PRKAA1: variants seen among roughly 807,000 people sequenced by gnomAD.
PRKAA1 encodes 5'-AMP-activated protein kinase catalytic subunit alpha-1.
In PRKAA1, 23 loss-of-function variants were observed where a neutral mutation model predicts 56.9. The observed-to-expected ratio is 0.40, with a 90% CI of 0.29 to 0.57. The LOEUF (loss-of-function observed/expected upper bound fraction) is 0.57, where lower values mean the gene tolerates loss of function less well. Among genes scored for constraint, PRKAA1 ranks in the 20% least tolerant of loss-of-function variants. The pLI, the probability that PRKAA1 is intolerant of heterozygous loss-of-function variation, is 0.39. For missense variants in PRKAA1, 413 were observed against 679.7 expected (o/e 0.61, Z 4.36); for synonymous variants, 226 against 227.0 (o/e 1.00, Z 0.04).
chr5:40,775,062 G>T, intron 3 of PRKAA1: 2 of 972,562 alleles, frequency 2.1e-6, no homozygotes, highest in South Asian at 1.5e-5. Context: ...ATTTTGTAAC[G>T]ATTAATTACA....
At chr5:40,770,034 T>A (rs546320930) in intron 4 of PRKAA1, among the ~76,000 whole-genome samples, 34 of 151,068 alleles carry the variant, frequency 2.3e-4, no homozygotes, top group African/African-American at 6.3e-4. Flanking sequence ...ATTACTATTT[T>A]AAAAAAAAAC....
chr5:40,779,372 A>G (rs1314307932), intron 1 of PRKAA1, among the ~76,000 whole-genome samples: 1 of 152,192 alleles, frequency 6.6e-6, no homozygotes, highest in African/African-American at 2.4e-5. Flanking sequence ...AAAGTTCTCT[A>G]AAAGACACTT....
intron 5 of PRKAA1, chr5:40,768,570 T>C (rs2047947620): frequency 4.9e-6 from 5 of 1,015,920 alleles, no homozygotes; most frequent in Non-Finnish European, 5.9e-6. Flanking sequence ...TAAAATTAGG[T>C]ACTCCTGCCT....
chr5:40,765,181 T>C lies in PRKAA1; in HGVS notation c.879A>G (p.Ser293=), dbSNP rs1204767356. The stretch of plus-strand genomic sequence containing the variant: ...CATCATCAATCATGGTTGAACTATA[T>C]GATGGATCCTCAGGAAAGAGATATT... The part of the protein sequence containing the change: ...LPKYLFPEDP[S]YSSTMIDDEA... Residue 293 remains serine (S), a synonymous_variant, in exon 7 of 9, where the codon TCA becomes TCG. Coordinates refer to ENST00000397128, the MANE Select transcript of PRKAA1 (RefSeq NM_006251.6). 8.1e-6 allele frequency: 13 copies of C among 1,614,024 alleles called. No homozygotes were observed. The highest frequency in any genetic ancestry group is 2.2e-5 in the East Asian group (1 of 44,882).
chr5:40,796,058 T>C (rs1252925705), intron 1 of PRKAA1, among the ~76,000 whole-genome samples: 2 of 152,222 alleles, frequency 1.3e-5, no homozygotes, highest in African/African-American at 4.8e-5. Context: ...GGCTCACGCC[T>C]GTAATCCCAG....
intron 6 of PRKAA1, among the ~76,000 whole-genome samples, chr5:40,765,567 T>C (rs755028520): frequency 3.3e-5 from 5 of 152,190 alleles, no homozygotes; most frequent in African/African-American, 1.2e-4. Flanking sequence ...AGCTTCATTA[T>C]AATACTCTTT....
chr5:40,773,319 G>C (rs1338057937), intron 3 of PRKAA1, among the ~76,000 whole-genome samples: 1 of 148,848 alleles, frequency 6.7e-6, no homozygotes. Flanking sequence ...AAAAATAGGA[G>C]AAAACTTGAT....
In PRKAA1 at chr5:40,769,361, T is replaced by G; in HGVS notation, c.596+55A>C. ...TATGACACTATAGACTAACAAAATC[T>G]AGGAGAAAAAGACAATTTCAAATGT... On this transcript the variant is annotated intron_variant, in intron 5 of 8. Coordinates refer to ENST00000397128, the MANE Select transcript of PRKAA1 (RefSeq NM_006251.6). The G allele has an allele frequency of 4.4e-6, 6 of 1,374,072 alleles. No homozygotes were observed. The South Asian group carries it at 4.9e-5, about 11-fold the overall frequency. 85.1% of individuals were successfully genotyped at this position (1,374,072 alleles called of 1,614,324 possible). A position where few individuals can be genotyped will look rare whatever the true frequency, so the allele number is the denominator to read the frequency against.
chr5:40,794,122 C>T (rs1744829802), intron 1 of PRKAA1, among the ~76,000 whole-genome samples: 1 of 151,922 alleles, frequency 6.6e-6, no homozygotes, highest in Non-Finnish European at 1.5e-5. Flanking sequence ...AAAAGTGTTC[C>T]CTGTTCACCA....
At chr5:40,776,527 C>T (rs1446115814) in intron 2 of PRKAA1, among the ~76,000 whole-genome samples, 1 of 152,176 alleles carries the variant, frequency 6.6e-6, no homozygotes, top group African/African-American at 2.4e-5. Flanking sequence ...AAACCTAGCA[C>T]TCAACAAATG....
At chr5:40,768,203 A>T (rs1409235317) in intron 5 of PRKAA1, among the ~76,000 whole-genome samples, 1 of 152,208 alleles carries the variant, frequency 6.6e-6, no homozygotes, top group Non-Finnish European at 1.5e-5. Flanking sequence ...CTAGCTGCAG[A>T]CTAGTTAGAT....
Position 40,798,052 on chromosome 5 carries a change from G to A in PRKAA1, c.127+11C>T, listed in dbSNP as rs201242316. ...CAGCTGGGGCCAAGCCTAGTCCCGC[G>A]GGGTTCTCACCCTTCACTTTGCCGA... On this transcript the variant is annotated intron_variant, in intron 1 of 8. Transcript: ENST00000397128. 65 of 1,607,466 alleles carry A rather than the reference G, an allele frequency of 4.0e-5. No homozygotes were observed. Among genetic ancestry groups the A allele is most frequent in the Middle Eastern group, 1.7e-4 (1 of 5,946 alleles).
chr5:40,788,605 G>A (rs1042967644), intron 1 of PRKAA1, among the ~76,000 whole-genome samples: 4 of 152,062 alleles, frequency 2.6e-5, no homozygotes, highest in Admixed American at 1.3e-4. Context: ...CGAGGCAGGC[G>A]GATCACAAGG....
At chr5:40,796,009 C>T (rs1331179445) in intron 1 of PRKAA1, among the ~76,000 whole-genome samples, 1 of 152,176 alleles carries the variant, frequency 6.6e-6, no homozygotes, top group African/African-American at 2.4e-5. Context: ...TGCCAAAAAC[C>T]ACTTAGCAAA....
At chr5:40,793,464 C>T (rs558442027) in intron 1 of PRKAA1, among the ~76,000 whole-genome samples, 1 of 152,104 alleles carries the variant, frequency 6.6e-6, no homozygotes, top group Admixed American at 6.5e-5. Context: ...CTACTCTCCC[C>T]GCAAAATTAA....
In PRKAA1 at chr5:40,769,400, G is replaced by T; in HGVS notation, c.596+16C>A. 6.4e-7 allele frequency: 1 copy of T among 1,564,908 alleles called. No homozygotes were observed. The highest frequency in any genetic ancestry group is 8.8e-7 in the Non-Finnish European group (1 of 1,138,330). Reference sequence around the variant, plus strand: ...AATTTCAAATGTATTGAGGGAGGCAGGGTATCAAATACTACCTTCCTGAAA... The same window carrying T: ...AATTTCAAATGTATTGAGGGAGGCATGGTATCAAATACTACCTTCCTGAAA... On this transcript the variant is annotated intron_variant, in intron 5 of 8. Coordinates refer to ENST00000397128, the MANE Select transcript of PRKAA1 (RefSeq NM_006251.6).
chr5:40,783,649 C>T (rs962386207), intron 1 of PRKAA1, among the ~76,000 whole-genome samples: 6 of 152,060 alleles, frequency 3.9e-5, no homozygotes, highest in African/African-American at 1.2e-4. Context: ...ATCCCAGCTA[C>T]TTAGGAGGCT....
chr5:40,794,559 C>T (rs1744847992), intron 1 of PRKAA1, among the ~76,000 whole-genome samples: 1 of 128,962 alleles, frequency 7.8e-6, no homozygotes, highest in Admixed American at 8.7e-5. Context: ...TAAATCCTTG[C>T]CTAAGCCAAT....
At chr5:40,792,558 T>C (rs1454113395) in intron 1 of PRKAA1, among the ~76,000 whole-genome samples, 1 of 152,232 alleles carries the variant, frequency 6.6e-6, no homozygotes, top group Non-Finnish European at 1.5e-5. Flanking sequence ...TGTAGGTTTC[T>C]AAAATTTATA....
Sources: allele counts gnomAD v4.1 joint callset (sites outside exome capture counted in the v4.1 genomes callset), GRCh38; gene constraint gnomAD v4.1.1; transcripts MANE v1.5; gene names NCBI Gene and HGNC (gene_info 2026-07-23, HGNC 2026-07-21).